The following ADSL variants were observed in gnomAD, a reference collection of about 807,000 sequenced individuals.
The protein encoded by ADSL is adenylosuccinate lyase.
A neutral mutation model predicts 62.1 loss-of-function variants in ADSL; 44 were observed. The ratio of observed to expected loss-of-function variants is 0.71; its 90% CI spans 0.56 to 0.91. The LOEUF is 0.91. ADSL is among the 40% of genes least tolerant of loss of function. The probability of loss-of-function intolerance (pLI) is 0.00; values close to 1 mark genes in which losing one functional copy is unlikely to be tolerated. For missense variants in ADSL, 531 were observed against 627.4 expected (o/e 0.85, Z 1.64); for synonymous variants, 198 against 220.5 (o/e 0.90, Z 0.90).
chr22:40,358,798 G>T, intron 4 of ADSL, 66 bp from the exon 5 acceptor site: 1 of 1,504,376 alleles, frequency 6.6e-7, no homozygotes. Context: ...ATTAAAAGAA[G>T]CAATGAAACC....
chr22:40,371,659 C>A (rs2045508876), downstream of ADSL, among the ~76,000 whole-genome samples: 1 of 152,038 alleles, frequency 6.6e-6, no homozygotes, highest in South Asian at 2.1e-4. Context: ...TACACTATTT[C>A]TGTTCTTGGT....
chr22:40,355,137 A>AGTTTT (rs1240292639), intron 4 of ADSL, among the ~76,000 whole-genome samples: 1 of 151,872 alleles, frequency 6.6e-6, no homozygotes, highest in Admixed American at 6.6e-5. Flanking sequence ...CTACTTTTTG[A>AGTTTT]GTTTTGTTTT....
chr22:40,353,726 T>C (rs549658417), intron 3 of ADSL: 243 of 263,416 alleles, frequency 9.2e-4, no homozygotes, highest in Non-Finnish European at 1.3e-3. Flanking sequence ...CCCAGGTTCA[T>C]GCCATTCTCC....
chr22:40,364,002 A>G (rs575984044), intron 10 of ADSL, among the ~76,000 whole-genome samples: 1 of 152,112 alleles, frequency 6.6e-6, no homozygotes, highest in South Asian at 2.1e-4. Context: ...GCGTGAGCCC[A>G]GGAGACGGAG....
intron 2 of ADSL, among the ~76,000 whole-genome samples, chr22:40,352,867 A>T (rs1359635667): frequency 1.3e-5 from 2 of 152,186 alleles, no homozygotes; most frequent in African/African-American, 4.8e-5. Context: ...TACAGATCTC[A>T]GTAGTACTGT....
intron 2 of ADSL, among the ~76,000 whole-genome samples, chr22:40,383,144 A>G (rs1381228099): frequency 6.6e-6 from 1 of 152,178 alleles, no homozygotes; most frequent in Non-Finnish European, 1.5e-5. Context: ...TTTATAGATA[A>G]GGCACCTACA....
chr22:40,356,992 T>A (rs2044586195), intron 4 of ADSL, among the ~76,000 whole-genome samples: 1 of 152,166 alleles, frequency 6.6e-6, no homozygotes, highest in Non-Finnish European at 1.5e-5. Context: ...GCTTCCCGGA[T>A]TCAAGTGATT....
chr22:40,350,088 C>A, intron 2 of ADSL, 53 bp downstream of exon 2: 17 of 1,484,300 alleles, frequency 1.1e-5, no homozygotes, highest in African/African-American at 1.4e-5. Context: ...ATCTATTTGT[C>A]AATTTTATTT....
At chr22:40,378,870 G>C (rs553587991) in intron 2 of ADSL, among the ~76,000 whole-genome samples, 1 of 152,118 alleles carries the variant, frequency 6.6e-6, no homozygotes, top group South Asian at 2.1e-4. Context: ...CTTTTTAGAA[G>C]ATTTACCTGC....
At chr22:40,374,998 C>T (rs1334741435) in intron 2 of ADSL, among the ~76,000 whole-genome samples, 2 of 152,198 alleles carry the variant, frequency 1.3e-5, no homozygotes, top group African/African-American at 4.8e-5. Flanking sequence ...TTGAATGCTA[C>T]ATATATAATC....
At chr22:40,361,191 C>A in intron 7 of ADSL, 82 bp from the exon 8 acceptor site, 1 of 1,332,556 alleles carries the variant, frequency 7.5e-7, no homozygotes, top group Non-Finnish European at 1.1e-6. Context: ...GAGCTCATCT[C>A]CTTCATCAGC....
In ADSL at chr22:40,346,704, C is replaced by T. The variant is rs752938873; in HGVS notation, c.146C>T (p.Ala49Val). The change falls in exon 1 of 13, where the codon GCC (alanine) becomes GTC (valine). Residue 49 changes from alanine to valine, a missense_variant. This residue lies in a region of ADSL where 471 missense variants were observed against 592.9 expected (regional missense o/e 0.79). Coordinates refer to ENST00000623063, the MANE Select transcript of ADSL (RefSeq NM_000026.4). ...WRQLWLWLAE[A>V]EQTLGLPITD... ...CAGCTGTGGCTGTGGCTGGCGGAGGCCGAGCAGGTAACGGATCCCGGGCTG... is the reference window on the plus strand; with the variant it reads ...CAGCTGTGGCTGTGGCTGGCGGAGGTCGAGCAGGTAACGGATCCCGGGCTG... The T allele has an allele frequency of 6.2e-7, 1 of 1,604,084 alleles. No individual in the cohort carries two copies. The highest frequency in any genetic ancestry group is 1.3e-5 in the African/African-American group (1 of 74,826).
chr22:40,350,126 T>TATAG (rs954342305), intron 2 of ADSL, 91 bp downstream of exon 2: 161 of 1,239,930 alleles, frequency 1.3e-4, no homozygotes, highest in Non-Finnish European at 1.8e-4. Context: ...GAAGTGACAC[T>TATAG]ATAGATCTTT....
chr22:40,386,972 G>A (rs1316355645), intron 2 of ADSL, among the ~76,000 whole-genome samples: 1 of 151,962 alleles, frequency 6.6e-6, no homozygotes, highest in Admixed American at 6.6e-5. Context: ...CTTAAATCTG[G>A]CTGGCTCCCA....
At chr22:40,361,242 G>T in intron 7 of ADSL, 31 bp from the exon 8 acceptor site, 1 of 1,600,734 alleles carries the variant, frequency 6.2e-7, no homozygotes, top group Non-Finnish European at 8.6e-7. Context: ...CTGACAGTGT[G>T]GGGTGATGCT....
At chr22:40,378,927 C>T (rs1447123931) in intron 2 of ADSL, among the ~76,000 whole-genome samples, 1 of 152,132 alleles carries the variant, frequency 6.6e-6, no homozygotes, top group African/African-American at 2.4e-5. Context: ...CGCTTCACCA[C>T]CTATGTGCTG....
Position 40,363,086 on chromosome 22 carries a change from T to C in ADSL, c.1101+15T>C. The C allele has an allele frequency of 6.2e-7, 1 of 1,610,256 alleles. No individual in the cohort carries two copies. ...TGTACCCCAAAGTAAGAAGCCTCAA[T>C]TCAAAAGTAAAGTACTAGGGAGGGG... On this transcript the variant is annotated intron_variant, in intron 10 of 12. Coordinates refer to ENST00000623063, the MANE Select transcript of ADSL (RefSeq NM_000026.4).
intron 2 of ADSL, among the ~76,000 whole-genome samples, chr22:40,380,891 C>T (rs1342041345): frequency 6.6e-6 from 1 of 152,040 alleles, no homozygotes; most frequent in Non-Finnish European, 1.5e-5. Flanking sequence ...GCTGTGATCA[C>T]ACCACTTCCC....
intron 9 of ADSL, among the ~76,000 whole-genome samples, chr22:40,362,111 G>A (rs1014633792): frequency 4.6e-5 from 7 of 152,302 alleles, no homozygotes; most frequent in Non-Finnish European, 4.4e-5. Context: ...CAGTTGTGGT[G>A]TCTAGGCACA....
Sources: allele counts gnomAD v4.1 joint callset (sites outside exome capture counted in the v4.1 genomes callset), GRCh38; gene constraint gnomAD v4.1.1; regional missense constraint gnomAD v4.1.1; transcripts MANE v1.5; gene names NCBI Gene and HGNC (gene_info 2026-07-23, HGNC 2026-07-21).